Variants in TXNDC16 observed in about 807,000 individuals in gnomAD.
TXNDC16 encodes thioredoxin domain containing 16.
TXNDC16 carries 74 observed loss-of-function variants against 85.6 expected under a neutral mutation model. The ratio of observed to expected loss-of-function variants is 0.86; its 90% CI spans 0.72 to 1.05. The LOEUF is 1.05. Among genes scored for constraint, TXNDC16 ranks in the 50% least tolerant of loss-of-function variants. The probability of loss-of-function intolerance (pLI) is 0.00; values close to 1 mark genes in which losing one functional copy is unlikely to be tolerated. For synonymous variants in TXNDC16, 335 were observed against 326.5 expected, an observed-to-expected ratio of 1.03 and a Z score of -0.28; for missense variants, 959 against 947.0, an observed-to-expected ratio of 1.01 and a Z score of -0.17.
intron 9 of TXNDC16, among the ~76,000 whole-genome samples, chr14:52,503,137 C>T (rs1471789987): frequency 2.0e-5 from 3 of 152,256 alleles, no homozygotes; most frequent in Non-Finnish European, 4.4e-5. Context: ...CCTCTGTAGA[C>T]TCCACCTCTG....
intron 3 of TXNDC16, among the ~76,000 whole-genome samples, chr14:52,542,930 A>G (rs1035588824): frequency 6.6e-6 from 1 of 152,216 alleles, no homozygotes; most frequent in Non-Finnish European, 1.5e-5. Context: ...AAAAATTATT[A>G]GTTATGCTCA....
chr14:52,448,900 G>A (rs1173273499), intron 18 of TXNDC16, among the ~76,000 whole-genome samples: 4 of 151,898 alleles, frequency 2.6e-5, no homozygotes, highest in African/African-American at 4.8e-5. Flanking sequence ...AAAATAACAA[G>A]TTATAAGGTA....
rs1168124647 is a variant in TXNDC16, at chr14:52,511,406, T to C, written c.606-16A>G. ...ATCCTCAGAGCTACAAATTAAAAAT[T>C]AATTAACTTAATGAAGTTCAATATG... On this transcript the variant is annotated splice_polypyrimidine_tract_variant and intron_variant, in intron 8 of 20. Transcript: ENST00000281741. 2 of 1,537,800 alleles carry C rather than the reference T, an allele frequency of 1.3e-6. No individual in the cohort carries two copies. Among genetic ancestry groups the C allele is most frequent in the South Asian group, 2.5e-5 (2 of 80,450 alleles).
chr14:52,525,858 C>G (rs2037322609), intron 6 of TXNDC16, among the ~76,000 whole-genome samples: 1 of 151,788 alleles, frequency 6.6e-6, no homozygotes, highest in Admixed American at 6.6e-5. Flanking sequence ...ATGCTCAAGT[C>G]CCATATAAAA....
chr14:52,449,170 T>A (rs150516630), intron 18 of TXNDC16, among the ~76,000 whole-genome samples: 59 of 149,600 alleles, frequency 3.9e-4, no homozygotes, highest in Admixed American at 4.7e-4. Context: ...TAAAAAAAAA[T>A]AATAAGATCC....
At position 52,440,658 on chromosome 14, in the gene TXNDC16, T is replaced by G. The variant is rs776805307; in HGVS notation, c.1909A>C (p.Ser637Arg). ...TACTGAGGATTTACAGTGCCATCACTGAACAAAATCAATAATGGTTTCTGA... is the reference window on the plus strand; with the variant it reads ...TACTGAGGATTTACAGTGCCATCACGGAACAAAATCAATAATGGTTTCTGA... ...RLQKPLLILFSDGTVNPQYKK... is the reference protein window; with the variant it reads ...RLQKPLLILFRDGTVNPQYKK... The change falls in exon 19 of 21, where the codon AGT (serine) becomes CGT (arginine). Residue 637 changes from serine to arginine, a missense_variant. Ser to Arg is a moderately radical substitution (Grantham distance 110). Transcript: ENST00000281741. The G allele has an allele frequency of 6.2e-7, 1 of 1,610,914 alleles. No individual in the cohort carries two copies. Among genetic ancestry groups the G allele is most frequent in the East Asian group, 2.2e-5 (1 of 44,600 alleles).
At chr14:52,548,610 G>A (rs748217999) in intron 1 of TXNDC16, among the ~76,000 whole-genome samples, 15 of 152,102 alleles carry the variant, frequency 9.9e-5, no homozygotes, top group East Asian at 9.6e-4. Context: ...GGCCAGGCAC[G>A]GTGGCTCACA....
intron 1 of TXNDC16, among the ~76,000 whole-genome samples, chr14:52,548,478 C>T (rs1007818797): frequency 1.3e-5 from 2 of 152,114 alleles, no homozygotes; most frequent in Non-Finnish European, 2.9e-5. Context: ...GGGAGGCAGA[C>T]GCAGTTTGTC....
At chr14:52,547,987 G>A (rs2037973995) in intron 1 of TXNDC16, among the ~76,000 whole-genome samples, 1 of 152,188 alleles carries the variant, frequency 6.6e-6, no homozygotes, top group Non-Finnish European at 1.5e-5. Context: ...AAATGTGCAA[G>A]GTGACATGTA....
At chr14:52,503,783 A>G (rs1421844384) in intron 9 of TXNDC16, among the ~76,000 whole-genome samples, 1 of 152,214 alleles carries the variant, frequency 6.6e-6, no homozygotes, top group Non-Finnish European at 1.5e-5. Context: ...CTCCGAGCTA[A>G]AGAAGGAAGT....
Position 52,470,155 on chromosome 14 carries a change from T to C in TXNDC16, c.1500A>G (p.Pro500=). Reference sequence around the variant, plus strand: ...CTTCTTGGATCGATGTTATATTCACTGGATATGAAATCCTGTTGCTGGATA... The same window carrying C: ...CTTCTTGGATCGATGTTATATTCACCGGATATGAAATCCTGTTGCTGGATA... ...KFIQLNRISY[P]VNITSIQEAE... The change falls in exon 16 of 21, where the codon CCA becomes CCG. Residue 500 remains proline, a synonymous_variant. Coordinates refer to ENST00000281741, the MANE Select transcript of TXNDC16 (RefSeq NM_020784.3). 6.2e-7 allele frequency: 1 copy of C among 1,603,056 alleles called. No individual in the cohort carries two copies. The highest frequency in any genetic ancestry group is 1.1e-5 in the South Asian group (1 of 88,732).
chr14:52,471,434 C>T (rs1239620445), intron 14 of TXNDC16, among the ~76,000 whole-genome samples: 1 of 152,150 alleles, frequency 6.6e-6, no homozygotes, highest in Non-Finnish European at 1.5e-5. Flanking sequence ...TACCAGCTTA[C>T]CCCCACCAAC....
chr14:52,543,359 AC>A (rs774874563), intron 3 of TXNDC16, 38 bp downstream of exon 3: 77 of 1,573,866 alleles, frequency 4.9e-5, no homozygotes, highest in Non-Finnish European at 6.2e-5. Context: ...AGCAATAAAA[AC>A]ATCACAAGAA....
chr14:52,497,620 C>T (rs1319958460), intron 9 of TXNDC16, among the ~76,000 whole-genome samples: 1 of 152,208 alleles, frequency 6.6e-6, no homozygotes. Context: ...TGGCTCAAGC[C>T]TATAATCCCA....
intron 19 of TXNDC16, among the ~76,000 whole-genome samples, chr14:52,440,018 C>A (rs187949674): frequency 6.6e-6 from 1 of 152,286 alleles, no homozygotes; most frequent in East Asian, 1.9e-4. Context: ...CTGTTAAACT[C>A]TTCACAGCAA....
chr14:52,533,870 G>A (rs2037639760), intron 6 of TXNDC16, among the ~76,000 whole-genome samples: 1 of 152,146 alleles, frequency 6.6e-6, no homozygotes. Flanking sequence ...CTTAGCCAAG[G>A]GCTCTGGTAA....
chr14:52,475,684 T>A (rs1473147316), intron 14 of TXNDC16, among the ~76,000 whole-genome samples: 2 of 152,124 alleles, frequency 1.3e-5, no homozygotes, highest in Non-Finnish European at 2.9e-5. Context: ...AAGTAGAATC[T>A]GAGCTCAGAC....
chr14:52,456,914 A>G (rs1388255016), intron 17 of TXNDC16, among the ~76,000 whole-genome samples, 176 bp downstream of exon 17: 3 of 152,192 alleles, frequency 2.0e-5, no homozygotes, highest in Non-Finnish European at 4.4e-5. Context: ...ATAAAAGAAT[A>G]GCTAAAGAAT....
intron 6 of TXNDC16, among the ~76,000 whole-genome samples, chr14:52,521,120 C>G (rs1238449300): frequency 1.3e-5 from 2 of 148,300 alleles, no homozygotes; most frequent in Non-Finnish European, 3.0e-5. Context: ...TGGTGTTTTA[C>G]TTTTTTTTTT....
Sources: gnomAD v4.1 joint callset for allele counts (sites outside exome capture counted in the v4.1 genomes callset) on GRCh38, gnomAD v4.1.1 for gene constraint, MANE v1.5 for transcripts, NCBI Gene and HGNC (gene_info 2026-07-23, HGNC 2026-07-21) for gene names.